The following MAGI2 variants were observed in gnomAD, a reference collection of about 807,000 sequenced individuals.
The protein encoded by MAGI2 is membrane-associated guanylate kinase, WW and PDZ domain-containing protein 2.
MAGI2 carries 35 observed loss-of-function variants against 133.3 expected under a neutral mutation model. The ratio of observed to expected loss-of-function variants is 0.26; its 90% confidence interval spans 0.20 to 0.35. The LOEUF (loss-of-function observed/expected upper bound fraction) is 0.35. Ranked by LOEUF, MAGI2 falls within the 10% of genes least tolerant of loss-of-function variation. The pLI is 1.00. For missense variants in MAGI2, 1,636 were observed against 1,863.4 expected (o/e 0.88, Z 2.25); for synonymous variants, 729 against 710.6 (o/e 1.03, Z -0.41).
chr7:78,440,157 GATTCT>G, intron 6 of MAGI2, among the ~76,000 whole-genome samples: 1 of 151,780 alleles, frequency 6.6e-6, no homozygotes, highest in Non-Finnish European at 1.5e-5. Context: ...CCCTGCCATA[GATTCT>G]GACTATCTGG....
chr7:78,054,890 C>A (rs1053411604), intron 21 of MAGI2, among the ~76,000 whole-genome samples: 1 of 151,882 alleles, frequency 6.6e-6, no homozygotes, highest in African/African-American at 2.4e-5. Flanking sequence ...TGGGCTCAAG[C>A]GATCTTCCTA....
Position 78,592,340 on chromosome 7 carries a change from A to ATTTTTTT in MAGI2, c.538+34773_538+34779dup, listed in dbSNP as rs200747288. 3.5e-4 allele frequency among the ~76,000 whole-genome samples: 52 copies of ATTTTTTT among 147,390 alleles called. 1 individual carries two copies. Among genetic ancestry groups the ATTTTTTT allele is most frequent in the Non-Finnish European group, 5.7e-4 (38 of 67,016 alleles). ...AGGACCAGAGAGTAAATAGTAGACT[A>ATTTTTTT]TTTTTTTTTTTTTCCTGTAAAGGAC... On this transcript the variant is annotated intron_variant, in intron 3 of 21. Transcript: ENST00000354212.
At chr7:78,429,625 T>C (rs2151427968) in intron 6 of MAGI2, among the ~76,000 whole-genome samples, 1 of 152,192 alleles carries the variant, frequency 6.6e-6, no homozygotes, top group Admixed American at 6.6e-5. Context: ...ATTTTCTTAG[T>C]AATTTAAATG....
At chr7:78,023,657 G>A (rs953534473) in intron 21 of MAGI2, among the ~76,000 whole-genome samples, 4 of 152,104 alleles carry the variant, frequency 2.6e-5, no homozygotes, top group African/African-American at 9.7e-5. Flanking sequence ...ATTCCAAACT[G>A]GCTTCCTCAG....
intron 2 of MAGI2, among the ~76,000 whole-genome samples, chr7:78,667,285 CATCTGTATG>C (rs1310620154): frequency 6.6e-6 from 1 of 151,768 alleles, no homozygotes; most frequent in African/African-American, 2.4e-5. Flanking sequence ...ATCTGTTCTC[CATCTGTATG>C]ATTTCATTTC....
At chr7:78,767,639 T>C (rs1214883654) in intron 2 of MAGI2, among the ~76,000 whole-genome samples, 1 of 152,212 alleles carries the variant, frequency 6.6e-6, no homozygotes, top group Non-Finnish European at 1.5e-5. Context: ...AGCAGGCCAT[T>C]ACTACTTAAG....
chr7:78,469,088 G>A (rs1369581224), intron 6 of MAGI2, among the ~76,000 whole-genome samples: 1 of 152,064 alleles, frequency 6.6e-6, no homozygotes, highest in Non-Finnish European at 1.5e-5. Flanking sequence ...CATATTCTCA[G>A]AAAACAAGTT....
At chr7:79,181,674 C>T (rs1826636379) in intron 1 of MAGI2, among the ~76,000 whole-genome samples, 3 of 151,996 alleles carry the variant, frequency 2.0e-5, no homozygotes, top group Admixed American at 2.0e-4. Flanking sequence ...CTGTAGCCAG[C>T]TTGAATTTCT....
At chr7:78,350,731 C>T (rs1385339293) in intron 7 of MAGI2, among the ~76,000 whole-genome samples, 1 of 152,116 alleles carries the variant, frequency 6.6e-6, no homozygotes, top group Non-Finnish European at 1.5e-5. Context: ...CCATTTTCTT[C>T]ATTGTGGAGA....
At chr7:78,481,119 A>G (rs192142131) in intron 6 of MAGI2, among the ~76,000 whole-genome samples, 77 of 152,118 alleles carry the variant, frequency 5.1e-4, no homozygotes, top group Middle Eastern at 6.8e-3. Flanking sequence ...AACAATTTTG[A>G]TAAGAGTAAA....
intron 2 of MAGI2, among the ~76,000 whole-genome samples, chr7:78,968,753 TTTC>T (rs1239208127): frequency 6.6e-6 from 1 of 152,076 alleles, no homozygotes; most frequent in African/African-American, 2.4e-5. Flanking sequence ...ATCCAATTTA[TTTC>T]TTCTTTTAAT....
At chr7:79,416,503 T>C (rs1846524259) in intron 1 of MAGI2, among the ~76,000 whole-genome samples, 2 of 151,946 alleles carry the variant, frequency 1.3e-5, no homozygotes, top group African/African-American at 4.8e-5. Context: ...TAGGTGATAA[T>C]GACAAGCTTA....
rs2302637 is a variant in MAGI2, at chr7:78,455,738, G to A, written c.1045+34023C>T. Reference sequence around the variant, plus strand: ...TAGTTTGTTATTTCTCATGTTCAGTGATGTTAGTCTGGCTTCTAAGGATCA... The same window carrying A: ...TAGTTTGTTATTTCTCATGTTCAGTAATGTTAGTCTGGCTTCTAAGGATCA... On this transcript the variant is annotated intron_variant, in intron 6 of 21. Transcript: ENST00000354212. Among the ~76,000 whole-genome samples, 1,949 of 152,190 alleles carry A rather than the reference G, an allele frequency of 0.013. 177 individuals carry two copies. The East Asian group carries it at 0.25, about 19-fold the overall frequency.
At chr7:79,172,777 T>C (rs796107112) in intron 1 of MAGI2, among the ~76,000 whole-genome samples, 136 of 152,196 alleles carry the variant, frequency 8.9e-4, no homozygotes, top group African/African-American at 3.1e-3. Context: ...CTATAATCTC[T>C]GGTAGTTCAC....
intron 3 of MAGI2, among the ~76,000 whole-genome samples, chr7:78,573,039 A>G (rs552577631): frequency 0.023 from 656 of 28,026 alleles, 15 homozygotes; most frequent in African/African-American, 0.03. Flanking sequence ...ATGTATGTAT[A>G]TATATATATA....
intron 1 of MAGI2, among the ~76,000 whole-genome samples, chr7:79,261,682 A>G (rs969874934): frequency 2.0e-5 from 3 of 152,162 alleles, no homozygotes; most frequent in Non-Finnish European, 4.4e-5. Context: ...CACATTGTCT[A>G]GATATTGGGT....
intron 2 of MAGI2, among the ~76,000 whole-genome samples, chr7:78,859,838 C>T (rs1414305723): frequency 6.6e-6 from 1 of 152,144 alleles, no homozygotes; most frequent in Non-Finnish European, 1.5e-5. Flanking sequence ...GAGTGTTTTC[C>T]AAGTTGGTTC....
intron 7 of MAGI2, among the ~76,000 whole-genome samples, chr7:78,361,384 C>A (rs1290115777): frequency 9.6e-6 from 1 of 103,854 alleles, no homozygotes; most frequent in Non-Finnish European, 2.0e-5. Flanking sequence ...CAGAGTGAGA[C>A]TCCATCTCAA....
At chr7:78,605,156 A>T (rs1397038538) in intron 3 of MAGI2, among the ~76,000 whole-genome samples, 2 of 152,178 alleles carry the variant, frequency 1.3e-5, no homozygotes, top group East Asian at 3.9e-4. Flanking sequence ...TCTATTTAGG[A>T]GAGTGATTGC....
Sources: allele counts gnomAD v4.1 joint callset (sites outside exome capture counted in the v4.1 genomes callset), GRCh38; gene constraint gnomAD v4.1.1; transcripts MANE v1.5; gene names NCBI Gene and HGNC (gene_info 2026-07-23, HGNC 2026-07-21).